SAXO1: variants seen among roughly 807,000 people sequenced by gnomAD.
SAXO1 encodes the protein stabilizer of axonemal microtubules 1, also known as 4930500O09Rik.
In SAXO1, 21 loss-of-function variants were observed where a neutral mutation model predicts 17.5. That is an observed-to-expected ratio of 1.20 (90% CI 0.85 to 1.72). SAXO1 has a LOEUF of 1.72. SAXO1 is among the 40% of genes most tolerant of loss of function. The probability of loss-of-function intolerance (pLI) is 0.00; values close to 1 mark genes in which losing one functional copy is unlikely to be tolerated. For synonymous variants in SAXO1, 274 were observed against 216.5 expected (o/e 1.27, Z -2.33); for missense variants, 843 against 596.0 (o/e 1.41, Z -4.32).
chr9:18,957,723 T>C (rs1200317470), intron 1 of SAXO1, among the ~76,000 whole-genome samples: 1 of 152,118 alleles, frequency 6.6e-6, no homozygotes, highest in Non-Finnish European at 1.5e-5. Context: ...AAACTCTGGA[T>C]ACTACAGGCA....
intron 1 of SAXO1, among the ~76,000 whole-genome samples, chr9:18,972,013 T>C (rs1832961786): frequency 6.6e-6 from 1 of 152,212 alleles, no homozygotes; most frequent in South Asian, 2.1e-4. Flanking sequence ...AGAACCACGC[T>C]GGAAAAATTG....
chr9:18,993,896 C>T (rs946112183), intron 1 of SAXO1, among the ~76,000 whole-genome samples: 2 of 152,148 alleles, frequency 1.3e-5, no homozygotes, highest in Non-Finnish European at 2.9e-5. Flanking sequence ...TCCTAACCCC[C>T]AACTCAGCTG....
Position 19,033,109 on chromosome 9 carries a change from G to C in SAXO1, c.-201C>G. 1.9e-6 allele frequency: 1 copy of C among 517,742 alleles called. No individual in the cohort carries two copies. The highest frequency in any genetic ancestry group is 3.3e-6 in the Non-Finnish European group (1 of 300,802). 32.1% of individuals were successfully genotyped at this position (517,742 alleles called of 1,614,324 possible). On this transcript the variant is annotated 5_prime_UTR_variant, in exon 1 of 4. Coordinates refer to ENST00000380534, the MANE Select transcript of SAXO1 (RefSeq NM_153707.4). Reference sequence around the variant, plus strand: ...CCTGGAGCTGGCCTAGCGCGAGGTAGCAGCAGGGGGCTTGCACGCGCGCCA... The same window carrying C: ...CCTGGAGCTGGCCTAGCGCGAGGTACCAGCAGGGGGCTTGCACGCGCGCCA...
chr9:18,949,401 G>A (rs924492786), intron 2 of SAXO1, among the ~76,000 whole-genome samples: 3 of 152,124 alleles, frequency 2.0e-5, no homozygotes, highest in African/African-American at 4.8e-5. Context: ...AGGCTGCACT[G>A]AGCGATGATC....
At chr9:18,969,647 T>G (rs564003051) in intron 1 of SAXO1, among the ~76,000 whole-genome samples, 1 of 152,248 alleles carries the variant, frequency 6.6e-6, no homozygotes, top group African/African-American at 2.4e-5. Context: ...GGGGGTATCT[T>G]GTTCACTATT....
intron 1 of SAXO1, among the ~76,000 whole-genome samples, chr9:18,987,714 C>T (rs1458820045): frequency 6.6e-6 from 1 of 151,940 alleles, no homozygotes; most frequent in East Asian, 1.9e-4. Context: ...GCCTGGGCAA[C>T]AGAGGGAGAC....
intron 1 of SAXO1, chr9:19,026,977 C>T: frequency 3.3e-6 from 3 of 911,632 alleles, no homozygotes; most frequent in Non-Finnish European, 5.5e-6. Flanking sequence ...ATCCAGCGCA[C>T]ATGGCTTCTG....
chr9:19,039,331 G>T (rs978642880), intron 1 of SAXO1, among the ~76,000 whole-genome samples: 3 of 152,176 alleles, frequency 2.0e-5, no homozygotes, highest in African/African-American at 7.2e-5. Flanking sequence ...GTATTGTTGG[G>T]ATGTGATTAT....
intron 1 of SAXO1, among the ~76,000 whole-genome samples, chr9:19,022,178 T>G (rs932787856): frequency 6.6e-6 from 1 of 152,156 alleles, no homozygotes; most frequent in Non-Finnish European, 1.5e-5. Flanking sequence ...GCGCCACCTT[T>G]AAGAGCTGTA....
intron 2 of SAXO1, among the ~76,000 whole-genome samples, chr9:18,942,963 G>A (rs1831635183): frequency 6.6e-6 from 1 of 152,240 alleles, no homozygotes; most frequent in Non-Finnish European, 1.5e-5. Flanking sequence ...TCAAGGGAAG[G>A]GGAAGGTTTC....
intron 1 of SAXO1, among the ~76,000 whole-genome samples, chr9:18,974,076 G>GC (rs1317771727): frequency 1.3e-5 from 2 of 152,188 alleles, no homozygotes; most frequent in Admixed American, 6.5e-5. Flanking sequence ...TGCCCTTATG[G>GC]CCAAGGAAGC....
intron 1 of SAXO1, among the ~76,000 whole-genome samples, chr9:18,984,117 T>C (rs1178791808): frequency 1.3e-5 from 2 of 152,232 alleles, no homozygotes; most frequent in Non-Finnish European, 2.9e-5. Context: ...GTTATCTTTT[T>C]TCTGAGCAGT....
chr9:19,018,181 C>A (rs967307282), intron 1 of SAXO1, among the ~76,000 whole-genome samples: 170 of 149,734 alleles, frequency 1.1e-3, no homozygotes, highest in Middle Eastern at 3.4e-3. Flanking sequence ...AAAAAAAAAA[C>A]AAACAAACAA....
At chr9:18,999,960 C>A (rs1834184872) in intron 1 of SAXO1, among the ~76,000 whole-genome samples, 1 of 145,694 alleles carries the variant, frequency 6.9e-6, no homozygotes, top group African/African-American at 2.6e-5. Context: ...AGGAGTGCCT[C>A]TACCCAGCCG....
At chr9:19,027,618 G>A in intron 1 of SAXO1, 1 of 1,436,120 alleles carries the variant, frequency 7.0e-7, no homozygotes, top group South Asian at 1.1e-5. Flanking sequence ...ATGTTCACTG[G>A]AGATGGTGCC....
intron 1 of SAXO1, among the ~76,000 whole-genome samples, chr9:18,976,587 A>G (rs1833158106): frequency 6.6e-6 from 1 of 152,226 alleles, no homozygotes; most frequent in Admixed American, 6.5e-5. Flanking sequence ...TCCTCTGGGG[A>G]AAGAGTGGCC....
chr9:18,932,015 C>A (rs150976097), intron 3 of SAXO1, among the ~76,000 whole-genome samples: 1 of 152,280 alleles, frequency 6.6e-6, no homozygotes, highest in East Asian at 1.9e-4. Context: ...TGACTCTTTT[C>A]ATTTCTTAAT....
intron 1 of SAXO1, among the ~76,000 whole-genome samples, chr9:19,043,577 G>T (rs1020738090): frequency 6.6e-6 from 1 of 152,014 alleles, no homozygotes; most frequent in Non-Finnish European, 1.5e-5. Context: ...GAGCAATCTG[G>T]GCAACATAGT....
At chr9:18,971,640 T>A (rs1316094890) in intron 1 of SAXO1, among the ~76,000 whole-genome samples, 1 of 152,186 alleles carries the variant, frequency 6.6e-6, no homozygotes, top group Non-Finnish European at 1.5e-5. Flanking sequence ...CGAGTTTAAT[T>A]ATTACCACAG....
Sources: gnomAD v4.1 joint callset for allele counts (sites outside exome capture counted in the v4.1 genomes callset) on GRCh38, gnomAD v4.1.1 for gene constraint, MANE v1.5 for transcripts, NCBI Gene and HGNC (gene_info 2026-07-23, HGNC 2026-07-21) for gene names.